TTN: variants seen among roughly 807,000 people sequenced by gnomAD.
TTN encodes connectin.
In TTN, 1,525 loss-of-function variants were observed where a neutral mutation model predicts 3,223.0. The ratio of observed to expected loss-of-function variants is 0.47; its 90% confidence interval spans 0.45 to 0.49. The LOEUF is 0.49. Ranked by LOEUF, TTN falls within the 20% of genes least tolerant of loss-of-function variation. The probability of loss-of-function intolerance (pLI) is 0.00; values close to 1 mark genes in which losing one functional copy is unlikely to be tolerated. For synonymous variants in TTN, 14,094 were observed against 15,161.0 expected, an observed-to-expected ratio of 0.93 and a Z score of 5.17; for missense variants, 40,786 against 43,424.0, an observed-to-expected ratio of 0.94 and a Z score of 5.40.
In TTN at chr2:178,578,631, G is replaced by C; in HGVS notation, c.68309C>G (p.Thr22770Ser). ...AATACCTGTAATTGGAGAACCACCA[G>C]TTTTCTTGGGGTCAGTCCAAGTTAG... ...VSLTWTDPKK[T>S]GGSPITGYHL... The change falls in exon 321 of 363, where the codon ACT becomes AGT. Residue 22770 changes from threonine (T) to serine (S), a missense_variant. Thr to Ser is a moderately conservative substitution (Grantham distance 58). Transcript: ENST00000589042. The C allele has an allele frequency of 1.2e-6, 2 of 1,611,628 alleles. No homozygotes were observed. The highest frequency in any genetic ancestry group is 2.2e-5 in the East Asian group (1 of 44,588).
At position 178,614,458 on chromosome 2, in the gene TTN, T is replaced by C; in HGVS notation, c.49048+8A>G. The C allele has an allele frequency of 1.3e-6, 2 of 1,590,904 alleles. No homozygotes were observed. Among genetic ancestry groups the C allele is most frequent in the Non-Finnish European group, 8.5e-7 (1 of 1,171,110 alleles). ...TTTATCCCCTTTTAAAATGAGAACC[T>C]TCCTTACCTAAGACGTTCACTTCCA... is the stretch of plus-strand genomic sequence containing the variant. On this transcript the variant is annotated splice_region_variant and intron_variant, in intron 261 of 362. Coordinates refer to ENST00000589042, the MANE Select transcript of TTN (RefSeq NM_001267550.2).
In TTN at chr2:178,756,249, T is replaced by C. The variant is rs769955914; in HGVS notation, c.11227A>G (p.Thr3743Ala). The change falls in exon 46 of 363, where the codon ACG becomes GCG. Residue 3743 changes from threonine (T) to alanine (A), a missense_variant. Thr to Ala is a moderately conservative substitution (Grantham distance 58, BLOSUM62 0). Transcript: ENST00000589042. ...IVHNDCGERTTSAVLSVEGAP... is the reference protein window; with the variant it reads ...IVHNDCGERTASAVLSVEGAP... Reference sequence around the variant, plus strand: ...CCTTCTACACTTAGTACTGCTGACGTTGTCCTCTCTCCACAGTCATTGTGT... The same window carrying C: ...CCTTCTACACTTAGTACTGCTGACGCTGTCCTCTCTCCACAGTCATTGTGT... The C allele has an allele frequency of 6.2e-7, 1 of 1,612,376 alleles. No homozygotes were observed. The highest frequency in any genetic ancestry group is 2.2e-5 in the East Asian group (1 of 44,854).
intron 242 of TTN, among the ~76,000 whole-genome samples, chr2:178,624,078 A>G (rs1489929014): frequency 6.6e-6 from 1 of 151,904 alleles, no homozygotes; most frequent in East Asian, 1.9e-4. Flanking sequence ...TTTTCCTTCC[A>G]CATGGAAATC....
rs781549177 is a variant in TTN at position 178,576,951 on chromosome 2, A to C, written c.69384T>G (p.Ser23128=). The C allele has an allele frequency of 6.2e-7, 1 of 1,613,392 alleles. No homozygotes were observed. Among genetic ancestry groups the C allele is most frequent in the Non-Finnish European group, 8.5e-7 (1 of 1,179,510 alleles). Residue 23128 remains serine, a synonymous_variant, in exon 324 of 363, where the codon TCT becomes TCG. Transcript: ENST00000589042. The surrounding 1 kb of genome is among the most constrained non-coding windows in gnomAD (Gnocchi z 4.3). The part of the protein sequence containing the change: ...NHYGKGEPVQ[S]EPVKMVDRFG... The stretch of plus-strand genomic sequence containing the variant: ...ATCTGTCTACCATTTTGACAGGTTC[A>C]GACTGTACAGGTTCTCCTTTGCCAT...
intron 16 of TTN, 27 bp downstream of exon 16, chr2:178,784,043 T>C (rs755019429): frequency 1.1e-5 from 17 of 1,611,716 alleles, no homozygotes; most frequent in East Asian, 2.2e-5. Context: ...GAGTGGACCA[T>C]GTAACAGCGG....
At chr2:178,724,736 GTTTT>G in intron 71 of TTN, 198 bp from the exon 72 acceptor site, 1 of 531,100 alleles carries the variant, frequency 1.9e-6, no homozygotes, top group Non-Finnish European at 2.9e-6. Context: ...TTTCTTTTCA[GTTTT>G]TTCTTTATTT....
In TTN at chr2:178,593,245, A is replaced by G; in HGVS notation, c.58963T>C (p.Ser19655Pro). The G allele has an allele frequency of 6.2e-7, 1 of 1,613,470 alleles. No homozygotes were observed. Among genetic ancestry groups the G allele is most frequent in the Non-Finnish European group, 8.5e-7 (1 of 1,179,608 alleles). ...CCAATACCAATTTCATTTTCTGCAG[A>G]AACCCGGAATTCATACTGACATCCT... Reference protein sequence around the residue: ...LEGCQYEFRVSAENEIGIGDP... With the variant: ...LEGCQYEFRVPAENEIGIGDP... The change falls in exon 299 of 363, where the codon TCT becomes CCT. Residue 19655 changes from serine to proline, a missense_variant. Transcript: ENST00000589042.
Position 178,740,924 on chromosome 2 carries a change from C to T in TTN, c.12309G>A (p.Leu4103=), listed in dbSNP as rs750393048. The stretch of plus-strand genomic sequence containing the variant: ...GAGCTCCCAAAGGAAGCTGACTGCT[C>T]AATTCATTGGCTTTAGCAATATGCT... The part of the protein sequence containing the change: ...SYEHIAKANE[L]SSQLPLGAQE... Residue 4103 remains leucine, a synonymous_variant, in exon 48 of 363, where the codon TTG becomes TTA. Coordinates refer to ENST00000589042, the MANE Select transcript of TTN (RefSeq NM_001267550.2). 5 of 1,613,792 alleles carry T rather than the reference C, an allele frequency of 3.1e-6. No individual in the cohort carries two copies. Among genetic ancestry groups the T allele is most frequent in the East Asian group, 4.5e-5 (2 of 44,862 alleles).
chr2:178,690,976 A>C (rs1404993487), intron 121 of TTN, among the ~76,000 whole-genome samples: 2 of 152,186 alleles, frequency 1.3e-5, no homozygotes, highest in Non-Finnish European at 2.9e-5. Flanking sequence ...GGGGAAATGT[A>C]GTACATAATA....
At position 178,672,690 on chromosome 2, in the gene TTN, A is replaced by T. The variant is rs542438660; in HGVS notation, c.34800T>A (p.Ile11600=). The change falls in exon 153 of 363, where the codon ATT becomes ATA. Residue 11600 remains isoleucine, a synonymous_variant. Transcript: ENST00000589042. The part of the protein sequence containing the change: ...EAPPAKVSKK[I]PEEKVPVPVQ... ...CAGGAACAGGTACTTTTTCCTCAGG[A>T]ATTTTCTTTGACACTTTAAAGATAT... 1 of 1,605,720 alleles carries T rather than the reference A, an allele frequency of 6.2e-7. No individual in the cohort carries two copies. The highest frequency in any genetic ancestry group is 1.3e-5 in the African/African-American group (1 of 74,744).
intron 63 of TTN, 22 bp downstream of exon 63, chr2:178,729,642 A>T (rs955128210): frequency 6.2e-7 from 1 of 1,613,494 alleles, no homozygotes; most frequent in Non-Finnish European, 8.5e-7. Context: ...GCCAAAATGG[A>T]GAATAGATTC....
At position 178,608,678 on chromosome 2, in the gene TTN, C is replaced by T. The variant is rs1323206460; in HGVS notation, c.52333G>A (p.Val17445Ile). Residue 17445 changes from valine to isoleucine, a missense_variant, in exon 274 of 363, where the codon GTA (valine) becomes ATA (isoleucine). Coordinates refer to ENST00000589042, the MANE Select transcript of TTN (RefSeq NM_001267550.2). ...LIEGKEYLFR[V>I]RAENRFGPGP... ...GGCCCAAATCTGTTTTCAGCTCTTA[C>T]ACGGAAGAGGTACTCTTTTCCTTCA... 1.7e-5 allele frequency: 28 copies of T among 1,612,156 alleles called. No homozygotes were observed. Among genetic ancestry groups the T allele is most frequent in the Non-Finnish European group, 2.4e-5 (28 of 1,178,988 alleles).
chr2:178,629,268 G>T, intron 240 of TTN, 33 bp downstream of exon 240: 1 of 1,606,368 alleles, frequency 6.2e-7, no homozygotes, highest in Non-Finnish European at 8.5e-7. Context: ...TCCAGAAAAA[G>T]AACGGGAAAG....
intron 133 of TTN, 25 bp downstream of exon 133, chr2:178,683,974 T>A: frequency 1.3e-6 from 2 of 1,537,990 alleles, no homozygotes; most frequent in Non-Finnish European, 1.7e-6. Context: ...TTTGATTTTT[T>A]TTTTTTTTTT....
In TTN at chr2:178,542,365, A is replaced by C. The variant is rs756216070; in HGVS notation, c.97391T>G (p.Leu32464Arg). The change falls in exon 349 of 363, where the codon CTC (leucine) becomes CGC (arginine). Residue 32464 changes from leucine (L) to arginine (R), a missense_variant. Transcript: ENST00000589042. ...GAACACATACTCATTTCCTTCGGTG[A>C]GTCTGGTAAACTTAAACGTGGACCT... is the stretch of plus-strand genomic sequence containing the variant. ...VTRSTFKFTR[L>R]TEGNEYVFRV... 2.5e-6 allele frequency: 4 copies of C among 1,613,600 alleles called. No individual in the cohort carries two copies. The South Asian group carries it at 4.4e-5, about 18-fold the overall frequency.
At chr2:178,677,335 C>CATAAATAT in intron 146 of TTN, 48 bp from the exon 147 acceptor site, 1 of 247,278 alleles carries the variant, frequency 4.0e-6, no homozygotes. Flanking sequence ...TATACATGGT[C>CATAAATAT]ATATATATAT....
chr2:178,743,071 A>T (rs2082785864), intron 47 of TTN: 1 of 152,048 alleles, frequency 6.6e-6, no homozygotes, highest in Admixed American at 6.6e-5. Context: ...AATTCGCGTT[A>T]CCTTTCCCTT....
chr2:178,562,984 G>A lies in TTN; in HGVS notation c.83148C>T (p.Leu27716=), dbSNP rs1255578553. ...EVKWEKAEGI[L]TDRAQIEVTS... is the part of the protein sequence containing the mutation. ...TCACCTCTATCTGAGCCCTGTCAGT[G>A]AGAATGCCTTCTGCCTTTTCCCATT... The change falls in exon 326 of 363, where the codon CTC becomes CTT. Residue 27716 remains leucine, a synonymous_variant. Coordinates refer to ENST00000589042, the MANE Select transcript of TTN (RefSeq NM_001267550.2). 1.8e-5 allele frequency: 29 copies of A among 1,613,566 alleles called. No individual in the cohort carries two copies. Among genetic ancestry groups the A allele is most frequent in the Non-Finnish European group, 2.4e-5 (28 of 1,179,742 alleles).
At chr2:178,641,123 C>G (rs2061181715) in intron 220 of TTN, 118 bp downstream of exon 220, 4 of 677,802 alleles carry the variant, frequency 5.9e-6, no homozygotes, top group South Asian at 1.9e-5. Flanking sequence ...GACTACATCA[C>G]AGATGAAATA....
Sources: gnomAD v4.1 joint callset for allele counts (sites outside exome capture counted in the v4.1 genomes callset) on GRCh38, gnomAD v4.1.1 for gene constraint, Gnocchi (gnomAD v3.1) non-coding constraint, MANE v1.5 for transcripts, NCBI Gene and HGNC (gene_info 2026-07-23, HGNC 2026-07-21) for gene names.